The following GBP4 variants were observed in gnomAD, a reference collection of about 807,000 sequenced individuals.
The protein encoded by GBP4 is guanylate binding protein 4, also known as guanylate-binding protein 4.
A neutral mutation model predicts 62.2 loss-of-function variants in GBP4; 69 were observed. That is an observed-to-expected ratio of 1.11 (90% CI 0.91 to 1.36). The LOEUF (loss-of-function observed/expected upper bound fraction) is 1.36. GBP4 is among the 40% of genes most tolerant of loss of function. GBP4 has a pLI of 0.00. For missense variants in GBP4, 697 were observed against 759.3 expected (o/e 0.92, Z 0.96); for synonymous variants, 278 against 274.6 (o/e 1.01, Z -0.12).
chr1:89,197,279 C>A lies in GBP4; in HGVS notation c.66G>T (p.Met22Ile). Residue 22 changes from methionine (M) to isoleucine (I), a missense_variant, in exon 2 of 11, where the codon ATG (methionine) becomes ATT (isoleucine). Physicochemically the swap from Met to Ile is conservative, Grantham distance 10 (BLOSUM62 1). Around this residue, in one of 2 missense-constraint regions of GBP4, gnomAD observed 556 missense variants for 562.7 expected, o/e 0.99. Coordinates refer to ENST00000355754, the MANE Select transcript of GBP4 (RefSeq NM_052941.5). ...TPGYPESESI[M>I]MAPICLVENQ... is the part of the protein sequence containing the mutation. ...TTTCCACTAGACAAATGGGGGCCATCATGATGGATTCAGATTCTGGATAAC... is the reference window on the plus strand; with the variant it reads ...TTTCCACTAGACAAATGGGGGCCATAATGATGGATTCAGATTCTGGATAAC... 2 of 1,613,962 alleles carry A rather than the reference C, an allele frequency of 1.2e-6. No individual in the cohort carries two copies. Among genetic ancestry groups the A allele is most frequent in the Non-Finnish European group, 1.7e-6 (2 of 1,179,908 alleles).
rs529709245 is a variant in GBP4 at position 89,191,119 on chromosome 1, C to T, written c.916+142G>A. Reference sequence around the variant, plus strand: ...GAGTAAACTTTAATTAAGAAACATTCATTTCTATGTGTGCAATGAACATCT... The same window carrying T: ...GAGTAAACTTTAATTAAGAAACATTTATTTCTATGTGTGCAATGAACATCT... On this transcript the variant is annotated intron_variant, in intron 6 of 10. Coordinates refer to ENST00000355754, the MANE Select transcript of GBP4 (RefSeq NM_052941.5). 38 of 990,540 alleles carry T rather than the reference C, an allele frequency of 3.8e-5. No homozygotes were observed. In the African/African-American group the frequency reaches 5.8e-4, roughly 15 times the overall value. The allele number at this position is 990,540 out of a possible 1,614,324, so 61.4% of individuals were successfully genotyped here. A position where few individuals can be genotyped will look rare whatever the true frequency, so the allele number is the denominator to read the frequency against.
rs1394514147 is a variant in GBP4 at position 89,191,320 on chromosome 1, T to C, written c.857A>G (p.Tyr286Cys). 4 of 1,614,208 alleles carry C rather than the reference T, an allele frequency of 2.5e-6. No homozygotes were observed. In the South Asian group the frequency reaches 4.4e-5, roughly 18 times the overall value. ...CTTGGTCTTTGCATGGGTGAAGATA[T>C]AAGAACAGAAGTTGTCTGATTGCAT... Reference protein sequence around the residue: ...FLMQSDNFCSYIFTHAKTKTL... With the variant: ...FLMQSDNFCSCIFTHAKTKTL... Residue 286 changes from tyrosine to cysteine, a missense_variant, in exon 6 of 11, where the codon TAT (tyrosine) becomes TGT (cysteine). Transcript: ENST00000355754.
intron 2 of GBP4, among the ~76,000 whole-genome samples, chr1:89,196,803 T>C (rs1022667242): frequency 7.5e-6 from 1 of 133,290 alleles, no homozygotes; most frequent in Non-Finnish European, 1.5e-5. Context: ...AGTGACCAGG[T>C]ATCCTACACA....
chr1:89,188,614 C>G lies in GBP4; in HGVS notation c.1378G>C (p.Asp460His). ...YLEEKKQVEW[D>H]YKLVPRKGVK... ...CCTTTTCTGGGCACTAGCTTATAGT[C>G]CCACTCAACCTGTTTCTTTTCTTCT... The change falls in exon 8 of 11, where the codon GAC (aspartate) becomes CAC (histidine). Residue 460 changes from aspartate (D) to histidine (H), a missense_variant. This residue lies in a region of GBP4 where 556 missense variants were observed against 562.7 expected (regional missense o/e 0.99). Transcript: ENST00000355754. The G allele has an allele frequency of 6.2e-7, 1 of 1,614,040 alleles. No individual in the cohort carries two copies. The highest frequency in any genetic ancestry group is 8.5e-7 in the Non-Finnish European group (1 of 1,179,872).
chr1:89,193,233 A>G, intron 4 of GBP4, 70 bp downstream of exon 4: 1 of 1,542,084 alleles, frequency 6.5e-7, no homozygotes, highest in Non-Finnish European at 8.9e-7. Context: ...GTCACAGCAA[A>G]GAAGACACAG....
chr1:89,196,851 G>C (rs974026055), intron 2 of GBP4, among the ~76,000 whole-genome samples: 1 of 152,224 alleles, frequency 6.6e-6, no homozygotes, highest in Non-Finnish European at 1.5e-5. Flanking sequence ...TAATTGCTGG[G>C]GCTGAGCCCC....
chr1:89,194,762 A>C lies in GBP4; in HGVS notation c.363+535T>G, dbSNP rs568039263. 4.6e-5 allele frequency among the ~76,000 whole-genome samples: 7 copies of C among 152,348 alleles called. No individual in the cohort carries two copies. The East Asian group carries it at 1.3e-3, about 29-fold the overall frequency. ...GAGTTGAACCAAAATGTTAGTGATA[A>C]AATTAATGCTTTTCTGAAAACTACT... On this transcript the variant is annotated intron_variant, in intron 3 of 10. Transcript: ENST00000355754.
chr1:89,191,049 G>A (rs2100676398), intron 6 of GBP4, among the ~76,000 whole-genome samples: 1 of 152,248 alleles, frequency 6.6e-6, no homozygotes, highest in South Asian at 2.1e-4. Context: ...TGCCATTAGT[G>A]TATTAATTTT....
Position 89,195,203 on chromosome 1 carries a change from T to A in GBP4, c.363+94A>T, listed in dbSNP as rs1648297226. 4.0e-6 allele frequency: 5 copies of A among 1,260,864 alleles called. No homozygotes were observed. The East Asian group carries it at 1.2e-4, about 30-fold the overall frequency. The allele number at this position is 1,260,864 out of a possible 1,614,324, so 78.1% of individuals were successfully genotyped here. A position where few individuals can be genotyped will look rare whatever the true frequency, so the allele number is the denominator to read the frequency against. ...TTAGCCTCATTATTCATAATTAGATTTGAGTTTACAGAGATATGTACAGAA... is the reference window on the plus strand; with the variant it reads ...TTAGCCTCATTATTCATAATTAGATATGAGTTTACAGAGATATGTACAGAA... On this transcript the variant is annotated intron_variant, in intron 3 of 10. Transcript: ENST00000355754.
chr1:89,190,641 G>A (rs1332102622), intron 6 of GBP4, among the ~76,000 whole-genome samples: 1 of 151,846 alleles, frequency 6.6e-6, no homozygotes, highest in Non-Finnish European at 1.5e-5. Context: ...TTGTTAGCAG[G>A]GAAAGTAAGT....
At chr1:89,190,948 T>A (rs372437524) in intron 6 of GBP4, among the ~76,000 whole-genome samples, 2 of 152,126 alleles carry the variant, frequency 1.3e-5, no homozygotes, top group East Asian at 1.9e-4. Flanking sequence ...TGTAAATTTA[T>A]AAAATATATT....
At position 89,188,583 on chromosome 1, in the gene GBP4, TTAAC is replaced by T; in HGVS notation, c.1405_1408del (p.Val469ArgfsTer16). 1 of 1,613,066 alleles carries T rather than the reference TTAAC, an allele frequency of 6.2e-7. No individual in the cohort carries two copies. Among genetic ancestry groups the T allele is most frequent in the African/African-American group, 1.3e-5 (1 of 75,038 alleles). The stretch of plus-strand genomic sequence containing the variant: ...ATCCCCCATTCCCCTTTTCCTCACC[TTAAC>T]TCCTTTTCTGGGCACTAGCTTATAG... On this transcript the variant is annotated frameshift_variant and splice_region_variant, in exon 8 of 11. Transcript: ENST00000355754. LOFTEE classifies it high-confidence loss of function.
intron 6 of GBP4, 49 bp downstream of exon 6, chr1:89,191,212 C>T: frequency 6.3e-7 from 1 of 1,591,560 alleles, no homozygotes; most frequent in African/African-American, 1.3e-5. Flanking sequence ...ACAGCTTCAA[C>T]ACATCCTGGA....
rs548294106 is a variant in GBP4 at position 89,184,119 on chromosome 1, A to G, written c.*1135T>C. On this transcript the variant is annotated 3_prime_UTR_variant, in exon 11 of 11. Coordinates refer to ENST00000355754, the MANE Select transcript of GBP4 (RefSeq NM_052941.5). Reference sequence around the variant, plus strand: ...TTTAAAAAGCATATAAAAATCACTCATCATCACTAATCACTACAGAAATGC... The same window carrying G: ...TTTAAAAAGCATATAAAAATCACTCGTCATCACTAATCACTACAGAAATGC... The G allele has an allele frequency of 2.0e-5, 3 of 152,246 alleles. No homozygotes were observed. The highest frequency in any genetic ancestry group is 6.5e-5 in the Admixed American group (1 of 15,288). The allele number at this position is 152,246 out of a possible 1,614,324, so 9.4% of individuals were successfully genotyped here.
intron 6 of GBP4, among the ~76,000 whole-genome samples, chr1:89,190,530 C>G (rs1168177247): frequency 6.6e-6 from 1 of 151,944 alleles, no homozygotes; most frequent in Non-Finnish European, 1.5e-5. Flanking sequence ...TTTTTTATGG[C>G]TCTTGGATTC....
In GBP4 at chr1:89,198,789, A is replaced by C. The variant is rs1347568720; in HGVS notation, c.40+6T>G. 1.2e-6 allele frequency: 2 copies of C among 1,612,466 alleles called. No individual in the cohort carries two copies. The highest frequency in any genetic ancestry group is 1.7e-6 in the Non-Finnish European group (2 of 1,178,572). On this transcript the variant is annotated splice_donor_region_variant and intron_variant, in intron 1 of 10. Coordinates refer to ENST00000355754, the MANE Select transcript of GBP4 (RefSeq NM_052941.5). Reference sequence around the variant, plus strand: ...CTTGAAAGGTAAAGCTTAAGAGCAAACTTACCTGGTGTGGGCACTGCAGCG... The same window carrying C: ...CTTGAAAGGTAAAGCTTAAGAGCAACCTTACCTGGTGTGGGCACTGCAGCG...
In GBP4 at chr1:89,184,596, G is replaced by A. The variant is rs575301302; in HGVS notation, c.*658C>T. On this transcript the variant is annotated 3_prime_UTR_variant, in exon 11 of 11. Transcript: ENST00000355754. The stretch of plus-strand genomic sequence containing the variant: ...CATTATCATAAGCAAACTAACACAG[G>A]AACAGAAACCCAAATACCACATGTT... 1 of 152,258 alleles carries A rather than the reference G, an allele frequency of 6.6e-6. No individual in the cohort carries two copies. Among genetic ancestry groups the A allele is most frequent in the South Asian group, 2.1e-4 (1 of 4,826 alleles). 9.4% of individuals were successfully genotyped at this position (152,258 alleles called of 1,614,324 possible). A position where few individuals can be genotyped will look rare whatever the true frequency, so the allele number is the denominator to read the frequency against.
At position 89,193,300 on chromosome 1, in the gene GBP4, T is replaced by C; in HGVS notation, c.473+3A>G. 3 of 1,613,302 alleles carry C rather than the reference T, an allele frequency of 1.9e-6. No individual in the cohort carries two copies. Among genetic ancestry groups the C allele is most frequent in the Non-Finnish European group, 2.5e-6 (3 of 1,179,438 alleles). On this transcript the variant is annotated splice_donor_region_variant and intron_variant, in intron 4 of 10. Transcript: ENST00000355754. ...ACCTGCTCTTCACTTCCCAGAAGGA[T>C]ACTGCAGCTGCTCCAGGGCCTGGTG...
At chr1:89,195,540 T>C in intron 2 of GBP4, 116 bp from the exon 3 acceptor site, 1 of 1,260,644 alleles carries the variant, frequency 7.9e-7, no homozygotes, top group East Asian at 2.4e-5. Flanking sequence ...AAAGGGTTGT[T>C]TCCATCTCAG....
Sources: allele counts gnomAD v4.1 joint callset (sites outside exome capture counted in the v4.1 genomes callset), GRCh38; gene constraint gnomAD v4.1.1; regional missense constraint gnomAD v4.1.1; transcripts MANE v1.5; gene names NCBI Gene and HGNC (gene_info 2026-07-23, HGNC 2026-07-21).